RRP12: variants seen among roughly 807,000 people sequenced by gnomAD.
RRP12 encodes ribosomal RNA processing 12 homolog.
RRP12 carries 78 observed loss-of-function variants against 157.3 expected under a neutral mutation model. That is an observed-to-expected ratio of 0.50 (90% CI 0.41 to 0.60). RRP12 has a LOEUF of 0.60. Ranked by LOEUF, RRP12 falls within the 20% of genes least tolerant of loss-of-function variation. The pLI, the probability that RRP12 is intolerant of heterozygous loss-of-function variation, is 0.00. For synonymous variants in RRP12, 726 were observed against 670.9 expected (o/e 1.08, Z -1.27); for missense variants, 1,521 against 1,679.9 (o/e 0.91, Z 1.65).
At chr10:97,393,498 TAG>T (rs1195569274) in intron 4 of RRP12, 184 bp downstream of exon 4, 4 of 689,390 alleles carry the variant, frequency 5.8e-6, no homozygotes, top group Admixed American at 4.0e-5. Flanking sequence ...CTAGTTTAGT[TAG>T]AGTTTCTCAC....
intron 30 of RRP12, among the ~76,000 whole-genome samples, chr10:97,361,059 C>T (rs1396075396): frequency 6.6e-6 from 1 of 152,210 alleles, no homozygotes; most frequent in Non-Finnish European, 1.5e-5. Flanking sequence ...TACTGATCCC[C>T]TACTAAGTGC....
Position 97,390,725 on chromosome 10 carries a change from C to T in RRP12, c.636+14G>A, listed in dbSNP as rs1005680796. The T allele has an allele frequency of 2.5e-6, 4 of 1,580,330 alleles. No individual in the cohort carries two copies. Among genetic ancestry groups the T allele is most frequent in the African/African-American group, 1.3e-5 (1 of 74,204 alleles). ...GGGAGTCGCCAGATGAGAAACTAAA[C>T]CCCAGACACTAACCCATCGGAGGAC... On this transcript the variant is annotated intron_variant, in intron 5 of 33. Coordinates refer to ENST00000370992, the MANE Select transcript of RRP12 (RefSeq NM_015179.4).
rs200241210 is a variant in RRP12 at position 97,398,023 on chromosome 10, G to GTATA, written c.370-1726_370-1723dup. Reference sequence around the variant, plus strand: ...TATATATACATATATATATATATATGTATATATATATACGTATTTTTTTTT... The same window carrying GTATA: ...TATATATACATATATATATATATATGTATATATATATATATACGTATTTTTTTTT... On this transcript the variant is annotated intron_variant, in intron 2 of 33. Coordinates refer to ENST00000370992, the MANE Select transcript of RRP12 (RefSeq NM_015179.4). Among the ~76,000 whole-genome samples the GTATA allele has an allele frequency of 4.0e-3, 231 of 57,328 alleles. 23 individuals carry two copies. Among genetic ancestry groups the GTATA allele is most frequent in the East Asian group, 0.024 (47 of 1,980 alleles). 37.6% of individuals were successfully genotyped at this position (57,328 alleles called of 152,430 possible). A position where few individuals can be genotyped will look rare whatever the true frequency, so the allele number is the denominator to read the frequency against.
intron 19 of RRP12, 41 bp downstream of exon 19, chr10:97,372,695 T>C: frequency 6.6e-7 from 1 of 1,519,162 alleles, no homozygotes; most frequent in Non-Finnish European, 9.0e-7. Context: ...TCCAGCTCCC[T>C]GGGCTGCTCC....
Position 97,366,740 on chromosome 10 carries a change from A to C in RRP12, c.3215+2T>G, listed in dbSNP as rs1308976179. ...GGTCCCATGGCCCTAACATGGTCTC[A>C]CCTGTCACCTTTGCCCTGGGCGGGC... On this transcript the variant is annotated splice_donor_variant, in intron 27 of 33. Coordinates refer to ENST00000370992, the MANE Select transcript of RRP12 (RefSeq NM_015179.4). LOFTEE classifies it high-confidence loss of function. The C allele has an allele frequency of 2.5e-6, 4 of 1,612,520 alleles. No individual in the cohort carries two copies. The highest frequency in any genetic ancestry group is 2.2e-5 in the East Asian group (1 of 44,826).
intron 14 of RRP12, 62 bp from the exon 15 acceptor site, chr10:97,379,476 G>A: frequency 6.2e-7 from 1 of 1,606,816 alleles, no homozygotes; most frequent in African/African-American, 1.3e-5. Flanking sequence ...GCAGTGCATA[G>A]CATACTGAGC....
At chr10:97,358,406 G>C (rs938054546) in intron 33 of RRP12, 131 bp downstream of exon 33, 3 of 706,976 alleles carry the variant, frequency 4.2e-6, no homozygotes, top group Non-Finnish European at 7.5e-6. Context: ...ATAGGTGCAT[G>C]TTAAAAAAAA....
chr10:97,360,416 T>G (rs1843811328), intron 31 of RRP12, 130 bp downstream of exon 31: 5 of 727,992 alleles, frequency 6.9e-6, no homozygotes, highest in Non-Finnish European at 9.8e-6. Context: ...TCAGCCAACC[T>G]CTGTTGGTGC....
chr10:97,377,363 A>AAAATT (rs1844338338), intron 15 of RRP12, among the ~76,000 whole-genome samples: 2 of 151,758 alleles, frequency 1.3e-5, no homozygotes, highest in African/African-American at 4.8e-5. Flanking sequence ...CTAAAAATAC[A>AAAATT]AGAAATTTTT....
intron 6 of RRP12, among the ~76,000 whole-genome samples, chr10:97,389,302 C>T (rs923601031): frequency 3.9e-5 from 6 of 152,070 alleles, no homozygotes; most frequent in Admixed American, 6.6e-5. Flanking sequence ...ACTATGTTAG[C>T]CAGGATGGTC....
intron 4 of RRP12, 101 bp from the exon 5 acceptor site, chr10:97,390,945 GCA>G (rs1412969229): frequency 1.3e-6 from 1 of 776,852 alleles, no homozygotes; most frequent in Non-Finnish European, 2.3e-6. Flanking sequence ...GGCGCTGGTG[GCA>G]CAGTCACTCA....
chr10:97,383,474 CGCCTGGGTGACAGCAGGCT>C lies in RRP12; in HGVS notation c.1209-1667_1209-1649del, dbSNP rs569960435. 2.9e-3 allele frequency among the ~76,000 whole-genome samples: 444 copies of C among 152,304 alleles called. 3 individuals carry two copies. Among genetic ancestry groups the C allele is most frequent in the African/African-American group, 0.01 (428 of 41,570 alleles). On this transcript the variant is annotated intron_variant, in intron 10 of 33. Coordinates refer to ENST00000370992, the MANE Select transcript of RRP12 (RefSeq NM_015179.4). ...ACACAGATGAACAGTGTTTGGCACACGCCTGGGTGACAGCAGGCTGCCTGGGTGAGGGCAGGCCGTTGGA... is the reference window on the plus strand; with the variant it reads ...ACACAGATGAACAGTGTTTGGCACACGCCTGGGTGAGGGCAGGCCGTTGGA...
chr10:97,397,149 TTTGTTG>T (rs937996715), intron 2 of RRP12, among the ~76,000 whole-genome samples: 50 of 151,858 alleles, frequency 3.3e-4, no homozygotes, highest in African/African-American at 1.0e-3. Context: ...ATACTGTATT[TTTGTTG>T]TTGTTGTTGT....
At position 97,370,793 on chromosome 10, in the gene RRP12, G is replaced by T; in HGVS notation, c.2506C>A (p.Arg836Ser). The T allele has an allele frequency of 6.2e-7, 1 of 1,613,836 alleles. No individual in the cohort carries two copies. The highest frequency in any genetic ancestry group is 1.1e-5 in the South Asian group (1 of 91,066). The change falls in exon 22 of 34, where the codon CGT becomes AGT. Residue 836 changes from arginine (R) to serine (S), a missense_variant. Arg to Ser is a moderately radical substitution (Grantham distance 110). Transcript: ENST00000370992. ...RSTSSPAKRP[R>S]LKCLLHIVRK... Reference sequence around the variant, plus strand: ...ACGATGTGTAGGAGGCACTTCAAACGGGGCTGTGGGCAAAGGGCTACCAGT... The same window carrying T: ...ACGATGTGTAGGAGGCACTTCAAACTGGGCTGTGGGCAAAGGGCTACCAGT...
intron 2 of RRP12, 74 bp from the exon 3 acceptor site, chr10:97,396,375 C>A: frequency 8.7e-7 from 1 of 1,144,712 alleles, no homozygotes; most frequent in South Asian, 1.3e-5. Context: ...TTTCCTTGCT[C>A]CTTCACAGAT....
chr10:97,370,260 A>G lies in RRP12; in HGVS notation c.2704T>C (p.Tyr902His). The G allele has an allele frequency of 6.3e-7, 1 of 1,596,592 alleles. No individual in the cohort carries two copies. Among genetic ancestry groups the G allele is most frequent in the Non-Finnish European group, 8.5e-7 (1 of 1,172,016 alleles). The change falls in exon 24 of 34, where the codon TAC becomes CAC. Residue 902 changes from tyrosine to histidine, a missense_variant. Coordinates refer to ENST00000370992, the MANE Select transcript of RRP12 (RefSeq NM_015179.4). ...AGGCCAGGGTAGATCAGGACGAGGT[A>G]GCACTGCAGGGCCTCTGGGGACAGA... ...GSNQEEALQC[Y>H]LVLIYPGLVG...
chr10:97,374,965 G>C (rs904846674), intron 15 of RRP12, among the ~76,000 whole-genome samples: 3 of 152,016 alleles, frequency 2.0e-5, no homozygotes, highest in Admixed American at 2.0e-4. Context: ...GCAGACCCTG[G>C]GAAATTAAAC....
chr10:97,364,624 G>A (rs1401221530), intron 29 of RRP12, among the ~76,000 whole-genome samples: 1 of 152,262 alleles, frequency 6.6e-6, no homozygotes, highest in African/African-American at 2.4e-5. Flanking sequence ...GACTGAGGCA[G>A]GAGAATCACA....
chr10:97,372,062 C>G lies in RRP12; in HGVS notation c.2343+11G>C, dbSNP rs749606789. Reference sequence around the variant, plus strand: ...CGTGGCTGTGTGGCGCTCCTGGCCCCCGAGGCTCACCTCTAGGTAGGGCCG... The same window carrying G: ...CGTGGCTGTGTGGCGCTCCTGGCCCGCGAGGCTCACCTCTAGGTAGGGCCG... On this transcript the variant is annotated intron_variant, in intron 20 of 33. Coordinates refer to ENST00000370992, the MANE Select transcript of RRP12 (RefSeq NM_015179.4). 1 of 1,605,498 alleles carries G rather than the reference C, an allele frequency of 6.2e-7. No individual in the cohort carries two copies. Among genetic ancestry groups the G allele is most frequent in the African/African-American group, 1.3e-5 (1 of 74,906 alleles).
Sources: gnomAD v4.1 joint callset for allele counts (sites outside exome capture counted in the v4.1 genomes callset) on GRCh38, gnomAD v4.1.1 for gene constraint, MANE v1.5 for transcripts, NCBI Gene and HGNC (gene_info 2026-07-23, HGNC 2026-07-21) for gene names.